Variants in ETFBKMT observed in about 807,000 individuals in gnomAD.
ETFBKMT encodes the protein electron transfer flavoprotein subunit beta lysine methyltransferase, also known as electron transfer flavoprotein beta subunit lysine methyltransferase.
ETFBKMT carries 13 observed loss-of-function variants against 18.3 expected under a neutral mutation model. The observed-to-expected ratio is 0.71, with a 90% CI of 0.46 to 1.13. ETFBKMT has a LOEUF of 1.13. Ranked by LOEUF, ETFBKMT falls within the 50% of genes most tolerant of loss-of-function variation. The pLI, the probability that ETFBKMT is intolerant of heterozygous loss-of-function variation, is 0.00. For synonymous variants in ETFBKMT, 84 were observed against 107.9 expected, an observed-to-expected ratio of 0.78 and a Z score of 1.37; for missense variants, 293 against 306.2, an observed-to-expected ratio of 0.96 and a Z score of 0.32.
At chr12:31,648,986 AT>A (rs35506567) in intron 1 of ETFBKMT, among the ~76,000 whole-genome samples, 1 of 151,172 alleles carries the variant, frequency 6.6e-6, no homozygotes, top group Non-Finnish European at 1.5e-5. Context: ...CAATAGTTGT[AT>A]TTTTTTTGGA....
intron 1 of ETFBKMT, among the ~76,000 whole-genome samples, chr12:31,652,943 T>C (rs746758179): frequency 1.3e-5 from 2 of 152,252 alleles, no homozygotes; most frequent in Non-Finnish European, 2.9e-5. Flanking sequence ...TCGCGGTGGC[T>C]CATGCCTGTA....
intron 3 of ETFBKMT, 32 bp downstream of exon 3, chr12:31,666,249 T>C (rs760781850): frequency 1.9e-6 from 3 of 1,584,634 alleles, no homozygotes; most frequent in Non-Finnish European, 8.5e-7. Context: ...TATTTAAGGC[T>C]CATCTTTTTT....
intron 2 of ETFBKMT, among the ~76,000 whole-genome samples, chr12:31,664,376 T>C (rs746907977): frequency 4.7e-4 from 71 of 152,150 alleles, no homozygotes; most frequent in Non-Finnish European, 8.5e-4. Context: ...GGATTGAGTT[T>C]ACTAATTTTA....
Position 31,669,814 on chromosome 12 carries a change from T to C in ETFBKMT, c.*1824T>C, listed in dbSNP as rs545478645. Reference sequence around the variant, plus strand: ...GTTTATGGACAGATTCCTAGAGCTTTTGATTCTTTTTTTTTTTTTTTTGAG... The same window carrying C: ...GTTTATGGACAGATTCCTAGAGCTTCTGATTCTTTTTTTTTTTTTTTTGAG... On this transcript the variant is annotated 3_prime_UTR_variant, in exon 4 of 4. Coordinates refer to ENST00000357721, the MANE Select transcript of ETFBKMT (RefSeq NM_001135863.2). 2 of 149,368 alleles carry C rather than the reference T, an allele frequency of 1.3e-5. No homozygotes were observed. The highest frequency in any genetic ancestry group is 4.0e-4 in the East Asian group (2 of 5,000). The allele number at this position is 149,368 out of a possible 1,614,324, so 9.3% of individuals were successfully genotyped here.
chr12:31,658,364 AG>A (rs1951079795), upstream of ETFBKMT, among the ~76,000 whole-genome samples: 1 of 152,254 alleles, frequency 6.6e-6, no homozygotes, highest in African/African-American at 2.4e-5. Context: ...AGGAAATCTA[AG>A]GCAGAATACT....
chr12:31,648,968 C>T (rs974137236), intron 1 of ETFBKMT, among the ~76,000 whole-genome samples: 8 of 144,688 alleles, frequency 5.5e-5, no homozygotes, highest in African/African-American at 9.9e-5. Context: ...TGAGCCACCA[C>T]GCCCGACCAA....
At chr12:31,655,944 T>C (rs193066739), upstream of ETFBKMT, among the ~76,000 whole-genome samples, 7 of 152,326 alleles carry the variant, frequency 4.6e-5, no homozygotes, top group South Asian at 2.1e-4. Flanking sequence ...TCTGTAAACA[T>C]GCAAAGTTGC....
intron 1 of ETFBKMT, among the ~76,000 whole-genome samples, chr12:31,651,832 T>C (rs182398610): frequency 3.6e-4 from 55 of 152,298 alleles, no homozygotes; most frequent in Non-Finnish European, 7.2e-4. Context: ...GCTTTTCTTT[T>C]TCATGAAAAG....
chr12:31,666,738 C>A (rs1380584472), intron 3 of ETFBKMT, among the ~76,000 whole-genome samples: 1 of 152,030 alleles, frequency 6.6e-6, no homozygotes, highest in Non-Finnish European at 1.5e-5. Context: ...GCAAGCTCCG[C>A]CTCCCGGGTT....
At chr12:31,657,088 CA>C (rs1354061088), upstream of ETFBKMT, among the ~76,000 whole-genome samples, 21 of 152,168 alleles carry the variant, frequency 1.4e-4, no homozygotes, top group African/African-American at 5.1e-4. Flanking sequence ...CAAGATCATA[CA>C]GTTAATAAGT....
intron 1 of ETFBKMT, among the ~76,000 whole-genome samples, chr12:31,650,712 A>T (rs867538975): frequency 7.9e-5 from 12 of 151,522 alleles, no homozygotes; most frequent in South Asian, 2.1e-4. Context: ...AGGTTAGTTC[A>T]AAGACCTTTG....
intron 1 of ETFBKMT, among the ~76,000 whole-genome samples, chr12:31,653,053 C>T (rs2139611119): frequency 6.6e-6 from 1 of 152,232 alleles, no homozygotes; most frequent in South Asian, 2.1e-4. Context: ...TACTAAAATA[C>T]AAAAAATCAG....
chr12:31,650,913 T>G (rs73303804), intron 1 of ETFBKMT, among the ~76,000 whole-genome samples: 2,056 of 152,038 alleles, frequency 0.014, 57 homozygotes, highest in African/African-American at 0.047. Context: ...ACATCCAGTT[T>G]CTTAGGAAGA....
At position 31,667,838 on chromosome 12, in the gene ETFBKMT, C is replaced by T. The variant is rs140221965; in HGVS notation, c.637C>T (p.Arg213Ter). Reference sequence around the variant, plus strand: ...GAAGTGCTTCTGGACCTATAGAACTCGAGTACTGATTGGTGACCCTGGGCG... The same window carrying T: ...GAAGTGCTTCTGGACCTATAGAACTTGAGTACTGATTGGTGACCCTGGGCG... ...LKKCFWTYRT[R>*]VLIGDPGRPQ... Residue 213 changes from arginine to a stop codon, truncating the protein, a stop_gained, in exon 4 of 4, where the codon CGA becomes TGA. Coordinates refer to ENST00000357721, the MANE Select transcript of ETFBKMT (RefSeq NM_001135863.2). LOFTEE classifies it high-confidence loss of function. The T allele has an allele frequency of 5.0e-6, 8 of 1,614,174 alleles. No individual in the cohort carries two copies. The African/African-American group carries it at 9.3e-5, about 19-fold the overall frequency.
At chr12:31,664,301 T>C (rs1951165722) in intron 2 of ETFBKMT, among the ~76,000 whole-genome samples, 1 of 152,112 alleles carries the variant, frequency 6.6e-6, no homozygotes, top group Non-Finnish European at 1.5e-5. Context: ...GAGAGGTCAT[T>C]ATACTACATT....
At chr12:31,649,664 G>A (rs1950998016) in intron 1 of ETFBKMT, among the ~76,000 whole-genome samples, 1 of 151,878 alleles carries the variant, frequency 6.6e-6, no homozygotes, top group African/African-American at 2.4e-5. Flanking sequence ...TATCTGTTCT[G>A]GTGATCTGTG....
upstream of ETFBKMT, among the ~76,000 whole-genome samples, chr12:31,658,149 C>A (rs927651985): frequency 6.6e-6 from 1 of 152,078 alleles, no homozygotes; most frequent in Non-Finnish European, 1.5e-5. Context: ...GATAGAACAC[C>A]GAAGCTGGTT....
rs956870114 is a variant in ETFBKMT at position 31,669,292 on chromosome 12, G to A, written c.*1302G>A. ...TACAGTAGCCTAACTGATGTGATAAGGTATGGGAGAAGGTATGTTCTATAG... is the reference window on the plus strand; with the variant it reads ...TACAGTAGCCTAACTGATGTGATAAAGTATGGGAGAAGGTATGTTCTATAG... On this transcript the variant is annotated 3_prime_UTR_variant, in exon 4 of 4. Transcript: ENST00000357721. The A allele has an allele frequency of 1.3e-5, 2 of 152,132 alleles. No individual in the cohort carries two copies. The highest frequency in any genetic ancestry group is 4.8e-5 in the African/African-American group (2 of 41,410). The allele number at this position is 152,132 out of a possible 1,614,324, so 9.4% of individuals were successfully genotyped here.
intron 2 of ETFBKMT, among the ~76,000 whole-genome samples, 155 bp from the exon 3 acceptor site, chr12:31,665,932 G>A (rs528382119): frequency 4.6e-5 from 7 of 152,276 alleles, no homozygotes; most frequent in South Asian, 2.1e-4. Context: ...GCCTTCCAGC[G>A]TGGGTGTTAT....
Sources: allele counts gnomAD v4.1 joint callset (sites outside exome capture counted in the v4.1 genomes callset), GRCh38; gene constraint gnomAD v4.1.1; transcripts MANE v1.5; gene names NCBI Gene and HGNC (gene_info 2026-07-23, HGNC 2026-07-21).